The following TNRC6A variants were observed in gnomAD, a reference collection of about 807,000 sequenced individuals.
The protein encoded by TNRC6A is trinucleotide repeat containing adaptor 6A.
TNRC6A carries 44 observed loss-of-function variants against 221.2 expected under a neutral mutation model. The observed-to-expected ratio is 0.20, with a 90% CI of 0.16 to 0.26. TNRC6A has a LOEUF of 0.26. TNRC6A is among the 10% of genes least tolerant of loss of function. The pLI is 1.00. For synonymous variants in TNRC6A, 847 were observed against 838.5 expected (o/e 1.01, Z -0.18); for missense variants, 2,199 against 2,404.4 (o/e 0.91, Z 1.79).
intron 2 of TNRC6A, among the ~76,000 whole-genome samples, chr16:24,697,027 G>C (rs1405251505): frequency 6.6e-6 from 1 of 152,164 alleles, no homozygotes; most frequent in Admixed American, 6.6e-5. Flanking sequence ...TAGTTAGTGA[G>C]TGACTATGGT....
chr16:24,660,478 G>T (rs1005323761), intron 2 of TNRC6A, among the ~76,000 whole-genome samples: 1 of 151,658 alleles, frequency 6.6e-6, no homozygotes, highest in Non-Finnish European at 1.5e-5. Context: ...TAATCCACTC[G>T]TTGATTGATG....
rs1370443916 is a variant in TNRC6A, at chr16:24,729,853, G to T, written c.5+7G>T. The T allele has an allele frequency of 7.6e-7, 1 of 1,311,512 alleles. No homozygotes were observed. The highest frequency in any genetic ancestry group is 2.3e-5 in the South Asian group (1 of 43,212). 81.2% of individuals were successfully genotyped at this position (1,311,512 alleles called of 1,614,324 possible). On this transcript the variant is annotated splice_region_variant and intron_variant, in intron 1 of 24. Transcript: ENST00000395799. ...TGCACTTTACACACATGAGGTGAGC[G>T]GAACAAGGGCCTCCCTCCGGGCGGG...
chr16:24,769,468 C>CA (rs35988161), intron 4 of TNRC6A, among the ~76,000 whole-genome samples: 1,437 of 101,212 alleles, frequency 0.014, 14 homozygotes, highest in African/African-American at 0.027. Context: ...ACAGTATGAC[C>CA]AAAAAAAAAA....
chr16:24,756,656 G>T (rs2057258337), intron 3 of TNRC6A, among the ~76,000 whole-genome samples: 1 of 152,058 alleles, frequency 6.6e-6, no homozygotes, highest in Non-Finnish European at 1.5e-5. Context: ...GGTATACTTT[G>T]TTTTGTTTTG....
At chr16:24,651,538 CAAAAAAAAAAAAAA>C (rs768568973) in intron 2 of TNRC6A, among the ~76,000 whole-genome samples, 1 of 48,754 alleles carries the variant, frequency 2.1e-5, no homozygotes, top group African/African-American at 6.4e-5. Context: ...AACTCCATCT[CAAAAAAAAAAAAAA>C]AAAAAAAAAA....
chr16:24,773,568 T>G (rs181827417), intron 4 of TNRC6A, among the ~76,000 whole-genome samples: 3 of 152,368 alleles, frequency 2.0e-5, no homozygotes, highest in African/African-American at 7.2e-5. Flanking sequence ...GCATGCATGT[T>G]AACCTATGAT....
At chr16:24,818,255 A>G (rs1440218853) in intron 20 of TNRC6A, among the ~76,000 whole-genome samples, 1 of 152,132 alleles carries the variant, frequency 6.6e-6, no homozygotes, top group Non-Finnish European at 1.5e-5. Context: ...AGTTAGCACC[A>G]AGACTCGAAC....
At chr16:24,654,389 T>A (rs1281832219) in intron 2 of TNRC6A, among the ~76,000 whole-genome samples, 2 of 152,078 alleles carry the variant, frequency 1.3e-5, no homozygotes. Flanking sequence ...TTGCAGAAAA[T>A]TTTTAGTAAT....
At chr16:24,717,805 T>A (rs900180229) in intron 2 of TNRC6A, among the ~76,000 whole-genome samples, 5 of 149,742 alleles carry the variant, frequency 3.3e-5, no homozygotes, top group African/African-American at 1.2e-4. Context: ...GGAGTTTTGT[T>A]CTGTCACCCA....
chr16:24,799,550 A>G (rs2058290581), intron 11 of TNRC6A, among the ~76,000 whole-genome samples: 1 of 152,208 alleles, frequency 6.6e-6, no homozygotes, highest in Admixed American at 6.5e-5. Flanking sequence ...TTTGTTACCT[A>G]AAGACTGAAT....
In TNRC6A at chr16:24,764,957, G is replaced by A. The variant is rs375342699; in HGVS notation, c.163+6597G>A. ...TAAAATAGAACAATTATAATCTGTTGTAATAGTTATCAGAATTTGGTCCCT... is the reference window on the plus strand; with the variant it reads ...TAAAATAGAACAATTATAATCTGTTATAATAGTTATCAGAATTTGGTCCCT... On this transcript the variant is annotated intron_variant, in intron 4 of 24. Coordinates refer to ENST00000395799, the MANE Select transcript of TNRC6A (RefSeq NM_014494.4). Among the ~76,000 whole-genome samples the A allele has an allele frequency of 3.9e-5, 6 of 152,302 alleles. No individual in the cohort carries two copies. In the South Asian group the frequency reaches 8.3e-4, roughly 21 times the overall value.
intron 14 of TNRC6A, 73 bp from the exon 15 acceptor site, chr16:24,805,532 T>G: frequency 1.3e-6 from 2 of 1,576,004 alleles, no homozygotes; most frequent in South Asian, 1.2e-5. Flanking sequence ...TATTGACAAC[T>G]GAAAACACAC....
intron 2 of TNRC6A, among the ~76,000 whole-genome samples, chr16:24,665,259 GA>G (rs2055134463): frequency 6.6e-6 from 1 of 151,744 alleles, no homozygotes. Context: ...TTTTCTTATA[GA>G]CACGGGATCT....
At chr16:24,692,619 CAAAGT>C (rs151234549) in intron 2 of TNRC6A, among the ~76,000 whole-genome samples, 29,375 of 151,426 alleles carry the variant, frequency 0.19, 3,098 homozygotes, top group South Asian at 0.27. Context: ...TAAAATAAAA[CAAAGT>C]AAAGTAAAAT....
chr16:24,694,716 T>C (rs1029510983), intron 2 of TNRC6A, among the ~76,000 whole-genome samples: 1 of 147,858 alleles, frequency 6.8e-6, no homozygotes, highest in Non-Finnish European at 1.5e-5. Context: ...GGAGGATCAC[T>C]TGAGGCCAGG....
At chr16:24,763,970 G>GT (rs908640806) in intron 4 of TNRC6A, among the ~76,000 whole-genome samples, 1 of 152,166 alleles carries the variant, frequency 6.6e-6, no homozygotes, top group South Asian at 2.1e-4. Flanking sequence ...AGTTAACCCT[G>GT]TTTTTTTGGT....
At chr16:24,760,830 C>T (rs1428740558) in intron 4 of TNRC6A, among the ~76,000 whole-genome samples, 1 of 152,196 alleles carries the variant, frequency 6.6e-6, no homozygotes, top group Non-Finnish European at 1.5e-5. Context: ...TTATTAGCAT[C>T]TTACATTACC....
intron 2 of TNRC6A, among the ~76,000 whole-genome samples, chr16:24,706,930 G>A (rs67546616): frequency 0.26 from 38,873 of 151,438 alleles, 8,280 homozygotes; most frequent in East Asian, 0.72. Flanking sequence ...GATTCCTTAC[G>A]CCAAATAAAT....
chr16:24,620,857 G>A (rs1160025004), intron 1 of TNRC6A, among the ~76,000 whole-genome samples: 4 of 151,836 alleles, frequency 2.6e-5, no homozygotes, highest in Non-Finnish European at 4.4e-5. Context: ...AGGCCGAGGC[G>A]GGTGGATCAC....
Sources: gnomAD v4.1 joint callset for allele counts (sites outside exome capture counted in the v4.1 genomes callset) on GRCh38, gnomAD v4.1.1 for gene constraint, MANE v1.5 for transcripts, NCBI Gene and HGNC (gene_info 2026-07-23, HGNC 2026-07-21) for gene names.